DOP1B: variants seen among roughly 807,000 people sequenced by gnomAD.
The protein encoded by DOP1B is DOP1 leucine zipper like protein B.
In DOP1B, 174 loss-of-function variants were observed where a neutral mutation model predicts 233.5. That is an observed-to-expected ratio of 0.75 (90% confidence interval 0.66 to 0.85). The LOEUF (loss-of-function observed/expected upper bound fraction) is 0.85, where lower values mean the gene tolerates loss of function less well. Ranked by LOEUF, DOP1B falls within the 40% of genes least tolerant of loss-of-function variation. DOP1B has a pLI of 0.00. For missense variants in DOP1B, 2,652 were observed against 2,846.6 expected, an observed-to-expected ratio of 0.93 and a Z score of 1.56; for synonymous variants, 1,190 against 1,185.6, an observed-to-expected ratio of 1.00 and a Z score of -0.08.
rs549746637 is a variant in DOP1B, at chr21:36,168,753, G to A, written c.138+3882G>A. ...TCACCATCTTGGCCAGGCTGGTCTC[G>A]AACTCCTGACCTCAGGTGATCTGCC... On this transcript the variant is annotated intron_variant, in intron 2 of 36. Transcript: ENST00000691173. Among the ~76,000 whole-genome samples the A allele has an allele frequency of 6.6e-5, 10 of 151,788 alleles. No homozygotes were observed. The East Asian group carries it at 1.5e-3, about 23-fold the overall frequency.
chr21:36,165,643 G>T (rs1466751943), intron 2 of DOP1B, among the ~76,000 whole-genome samples: 1 of 152,098 alleles, frequency 6.6e-6, no homozygotes, highest in Non-Finnish European at 1.5e-5. Flanking sequence ...GGTGGCACTG[G>T]GTTCTCACTG....
At chr21:36,198,276 A>G (rs985353844) in intron 2 of DOP1B, among the ~76,000 whole-genome samples, 1 of 151,052 alleles carries the variant, frequency 6.6e-6, no homozygotes, top group Non-Finnish European at 1.5e-5. Flanking sequence ...AAAAATACAA[A>G]AAATTAGTCA....
chr21:36,165,169 A>G (rs1334021808), intron 2 of DOP1B, among the ~76,000 whole-genome samples: 1 of 152,142 alleles, frequency 6.6e-6, no homozygotes, highest in Non-Finnish European at 1.5e-5. Flanking sequence ...GCATAAAAAT[A>G]TATATAGTGT....
chr21:36,226,296 CTT>C lies in DOP1B; in HGVS notation c.1473+641_1473+642del, dbSNP rs80233063. 2.9e-4 allele frequency among the ~76,000 whole-genome samples: 40 copies of C among 137,718 alleles called. 1 individual carries two copies. The highest frequency in any genetic ancestry group is 5.0e-4 in the Admixed American group (7 of 14,122). 90.3% of individuals were successfully genotyped at this position (137,718 alleles called of 152,430 possible). On this transcript the variant is annotated intron_variant, in intron 12 of 36. Coordinates refer to ENST00000691173, the MANE Select transcript of DOP1B (RefSeq NM_001320714.2). ...TTTTCTTTTCTCTGTCTCTCTCTCT[CTT>C]TTTTTTTTTTTCTCCTGTGACAGAG...
chr21:36,194,142 T>G (rs2066262626), intron 2 of DOP1B, among the ~76,000 whole-genome samples: 1 of 152,202 alleles, frequency 6.6e-6, no homozygotes, highest in Admixed American at 6.5e-5. Context: ...TTTATTGCTT[T>G]GTTAAGCCTT....
At chr21:36,258,087 A>G (rs1457789872) in intron 23 of DOP1B, among the ~76,000 whole-genome samples, 1 of 151,826 alleles carries the variant, frequency 6.6e-6, no homozygotes, top group East Asian at 1.9e-4. Flanking sequence ...AGGTAGATAG[A>G]TAGATAGATG....
At chr21:36,192,303 G>A (rs113144623) in intron 2 of DOP1B, among the ~76,000 whole-genome samples, 3 of 150,924 alleles carry the variant, frequency 2.0e-5, no homozygotes, top group Non-Finnish European at 4.4e-5. Context: ...AGGCTGCAGT[G>A]AGCCAAGATC....
Position 36,231,026 on chromosome 21 carries a change from G to A in DOP1B, c.2242G>A (p.Glu748Lys). ...DLGGSREERR[E>K]AFAAACHLLL... The stretch of plus-strand genomic sequence containing the variant: ...GGGGGGTTCCAGGGAGGAACGCAGG[G>A]AGGCCTTTGCCGCCGCCTGCCACCT... The change falls in exon 14 of 37, where the codon GAG (glutamate) becomes AAG (lysine). Residue 748 changes from glutamate to lysine, a missense_variant. By Grantham distance (56) the Glu-to-Lys change is moderately conservative. Around this residue, in one of 3 missense-constraint regions of DOP1B, gnomAD observed 2,617 missense variants for 2,794.3 expected, o/e 0.94. Coordinates refer to ENST00000691173, the MANE Select transcript of DOP1B (RefSeq NM_001320714.2). The A allele has an allele frequency of 1.2e-6, 2 of 1,614,194 alleles. No homozygotes were observed. The highest frequency in any genetic ancestry group is 1.7e-6 in the Non-Finnish European group (2 of 1,180,040).
At chr21:36,227,416 G>A (rs190994085) in intron 12 of DOP1B, among the ~76,000 whole-genome samples, 2,619 of 150,960 alleles carry the variant, frequency 0.017, 32 homozygotes, top group African/African-American at 0.032. Context: ...GCGTGGTGGT[G>A]GGCACCTGTA....
intron 1 of DOP1B, among the ~76,000 whole-genome samples, chr21:36,162,110 G>C (rs2065874699): frequency 6.6e-6 from 1 of 152,198 alleles, no homozygotes; most frequent in Non-Finnish European, 1.5e-5. Flanking sequence ...TCAAGATCAA[G>C]GTGCTGGCAG....
At chr21:36,169,695 C>T (rs749282253) in intron 2 of DOP1B, 26 of 906,476 alleles carry the variant, frequency 2.9e-5, no homozygotes, top group Non-Finnish European at 4.5e-5. Context: ...GTGTGGGCAG[C>T]GAGGCGGGTG....
intron 36 of DOP1B, 40 bp downstream of exon 36, chr21:36,292,273 G>GTTTTTT (rs1569075433): frequency 7.2e-7 from 1 of 1,381,740 alleles, no homozygotes; most frequent in Non-Finnish European, 9.6e-7. Context: ...TTTTTTTTTG[G>GTTTTTT]TGAGACAGAG....
At chr21:36,285,482 C>T (rs2067471530) in intron 32 of DOP1B, among the ~76,000 whole-genome samples, 1 of 152,018 alleles carries the variant, frequency 6.6e-6, no homozygotes, top group Non-Finnish European at 1.5e-5. Context: ...GATGAACTGA[C>T]AGTTTACAGA....
chr21:36,194,527 C>T (rs2066267691), intron 2 of DOP1B, among the ~76,000 whole-genome samples: 1 of 139,988 alleles, frequency 7.1e-6, no homozygotes, highest in Non-Finnish European at 1.5e-5. Flanking sequence ...CACTCTGTCA[C>T]TCAGGCTGGA....
At chr21:36,169,297 G>A in intron 2 of DOP1B, 1 of 794,746 alleles carries the variant, frequency 1.3e-6, no homozygotes, top group Non-Finnish European at 2.2e-6. Context: ...TCGGTTTGCT[G>A]TCCTCAGTAA....
chr21:36,214,440 A>G lies in DOP1B; in HGVS notation c.1015-2A>G. On this transcript the variant is annotated splice_acceptor_variant, in intron 8 of 36. Transcript: ENST00000691173. LOFTEE classifies it high-confidence loss of function. The stretch of plus-strand genomic sequence containing the variant: ...TAATATGTGGCTTTTTTTAAATAAT[A>G]GGGTTTGGCTGAGATATTGCATCAG... 1.2e-6 allele frequency: 2 copies of G among 1,606,764 alleles called. No individual in the cohort carries two copies. The highest frequency in any genetic ancestry group is 2.2e-5 in the South Asian group (2 of 89,938).
rs2066971138 is a variant in DOP1B at position 36,246,791 on chromosome 21, A to G, written c.4697+114A>G. 9 of 1,290,186 alleles carry G rather than the reference A, an allele frequency of 7.0e-6. No individual in the cohort carries two copies. The highest frequency in any genetic ancestry group is 9.5e-6 in the Non-Finnish European group (9 of 945,974). The allele number at this position is 1,290,186 out of a possible 1,614,324, so 79.9% of individuals were successfully genotyped here. A position where few individuals can be genotyped will look rare whatever the true frequency, so the allele number is the denominator to read the frequency against. ...GGAGGATAATTTCATCCCAATGAGA[A>G]GCCTGTTTAGCATTATCAAGAGGGG... On this transcript the variant is annotated intron_variant, in intron 19 of 36. Transcript: ENST00000691173. The surrounding 1 kb of genome is among the most constrained non-coding windows in gnomAD (Gnocchi z 5.1).
chr21:36,200,218 A>G, intron 3 of DOP1B, 113 bp from the exon 4 acceptor site: 1 of 1,354,246 alleles, frequency 7.4e-7, no homozygotes, highest in East Asian at 2.4e-5. Context: ...CGAAACCAGC[A>G]GTTTAAATGG....
chr21:36,268,395 C>T (rs2067253403), intron 26 of DOP1B, among the ~76,000 whole-genome samples: 1 of 152,124 alleles, frequency 6.6e-6, no homozygotes, highest in African/African-American at 2.4e-5. Context: ...TGGTTGTCTT[C>T]CCTTGTTCCC....
Sources: allele counts gnomAD v4.1 joint callset (sites outside exome capture counted in the v4.1 genomes callset), GRCh38; gene constraint gnomAD v4.1.1; regional missense constraint gnomAD v4.1.1; non-coding constraint Gnocchi (gnomAD v3.1); transcripts MANE v1.5; gene names NCBI Gene and HGNC (gene_info 2026-07-23, HGNC 2026-07-21).